The following MARVELD2 variants were observed in gnomAD, a reference collection of about 807,000 sequenced individuals.
MARVELD2 encodes the protein MARVEL domain-containing protein 2.
MARVELD2 carries 49 observed loss-of-function variants against 57.6 expected under a neutral mutation model. That is an observed-to-expected ratio of 0.85 (90% confidence interval 0.68 to 1.08). The LOEUF (loss-of-function observed/expected upper bound fraction) is 1.08, where lower values mean the gene tolerates loss of function less well. Among genes scored for constraint, MARVELD2 ranks in the 50% least tolerant of loss-of-function variants. The pLI, the probability that MARVELD2 is intolerant of heterozygous loss-of-function variation, is 0.00. For synonymous variants in MARVELD2, 238 were observed against 258.8 expected (o/e 0.92, Z 0.77); for missense variants, 606 against 701.1 (o/e 0.86, Z 1.53).
chr5:69,438,218 C>G (rs1485585535), intron 5 of MARVELD2, among the ~76,000 whole-genome samples: 2 of 152,098 alleles, frequency 1.3e-5, no homozygotes, highest in African/African-American at 4.8e-5. Context: ...AAATATTGCC[C>G]CAAACAATCC....
intron 1 of MARVELD2, chr5:69,418,957 T>C (rs1289306908): frequency 5.9e-6 from 1 of 168,942 alleles, no homozygotes; most frequent in African/African-American, 2.4e-5. Context: ...AGACAGAGAC[T>C]CACTGTGTCA....
At chr5:69,431,329 G>T (rs1049913784) in intron 3 of MARVELD2, among the ~76,000 whole-genome samples, 4 of 151,720 alleles carry the variant, frequency 2.6e-5, no homozygotes, top group African/African-American at 9.7e-5. Context: ...TGGCCAGGCT[G>T]GTCTCGAACA....
intron 3 of MARVELD2, among the ~76,000 whole-genome samples, chr5:69,430,734 A>G (rs1034776874): frequency 6.6e-6 from 1 of 151,672 alleles, no homozygotes; most frequent in Non-Finnish European, 1.5e-5. Context: ...GGGTTTCACC[A>G]TGTTGGCCAG....
chr5:69,440,793 C>T (rs980044828), intron 6 of MARVELD2, among the ~76,000 whole-genome samples: 5 of 152,208 alleles, frequency 3.3e-5, no homozygotes, highest in African/African-American at 1.2e-4. Flanking sequence ...ATCTCAAAAT[C>T]AGTAGAGGTG....
intron 5 of MARVELD2, among the ~76,000 whole-genome samples, chr5:69,437,541 G>A (rs560988638): frequency 3.3e-5 from 5 of 151,630 alleles, no homozygotes; most frequent in East Asian, 2.0e-4. Flanking sequence ...AAAATTAGCC[G>A]AGCATGGTGG....
intron 3 of MARVELD2, among the ~76,000 whole-genome samples, chr5:69,430,106 G>A (rs1289537765): frequency 6.6e-6 from 1 of 151,728 alleles, no homozygotes; most frequent in Non-Finnish European, 1.5e-5. Context: ...TGTGGCTCAT[G>A]CCTGTAATCC....
At chr5:69,436,701 A>T (rs971599986) in intron 5 of MARVELD2, among the ~76,000 whole-genome samples, 6 of 152,298 alleles carry the variant, frequency 3.9e-5, no homozygotes, top group African/African-American at 1.4e-4. Flanking sequence ...CAAGGCCCAC[A>T]GGTCTAAGAA....
At chr5:69,434,752 C>T (rs1421219010) in intron 5 of MARVELD2, among the ~76,000 whole-genome samples, 1 of 151,748 alleles carries the variant, frequency 6.6e-6, no homozygotes, top group African/African-American at 2.4e-5. Flanking sequence ...GCTGGAGTGC[C>T]ATGGCGCGAT....
intron 5 of MARVELD2, among the ~76,000 whole-genome samples, chr5:69,434,266 C>A (rs1767064805): frequency 6.6e-6 from 1 of 152,034 alleles, no homozygotes; most frequent in South Asian, 2.1e-4. Context: ...GCATGCAAGA[C>A]CAGCCTGGAC....
In MARVELD2 at chr5:69,419,516, A is replaced by T; in HGVS notation, c.131A>T (p.Asp44Val). The change falls in exon 2 of 7, where the codon GAT (aspartate) becomes GTT (valine). Residue 44 changes from aspartate (D) to valine (V), a missense_variant. Asp to Val is a radical substitution (Grantham distance 152). Coordinates refer to ENST00000325631, the MANE Select transcript of MARVELD2 (RefSeq NM_001038603.3). ...GACAGTGAGCGGGCAGTGAGCGCTG[A>T]TCCCTTGCCACCACCCCCTCTCCCA... ...LHDSERAVSADPLPPPPLPLQ... is the reference protein window; with the variant it reads ...LHDSERAVSAVPLPPPPLPLQ... 6.2e-7 allele frequency: 1 copy of T among 1,614,108 alleles called. No individual in the cohort carries two copies. The highest frequency in any genetic ancestry group is 1.1e-5 in the South Asian group (1 of 91,082).
intron 3 of MARVELD2, among the ~76,000 whole-genome samples, chr5:69,427,385 G>T (rs1402631998): frequency 6.6e-6 from 1 of 151,610 alleles, no homozygotes; most frequent in Non-Finnish European, 1.5e-5. Flanking sequence ...CACATAGCTA[G>T]TTCTCCCTAT....
At chr5:69,419,167 C>T in intron 1 of MARVELD2, 1 of 613,828 alleles carries the variant, frequency 1.6e-6, no homozygotes, top group East Asian at 2.8e-5. Context: ...CTGAAATGAT[C>T]CGTCTGTCTT....
chr5:69,420,650 C>T, intron 2 of MARVELD2, 119 bp downstream of exon 2: 7 of 976,068 alleles, frequency 7.2e-6, no homozygotes, highest in African/African-American at 1.7e-5. Context: ...TCTTTTCTTT[C>T]TTCCTTTTTT....
rs1031095336 is a variant in MARVELD2 at position 69,432,662 on chromosome 5, C to T, written c.1318C>T (p.Pro440Ser). 6.2e-7 allele frequency: 1 copy of T among 1,613,950 alleles called. No homozygotes were observed. The highest frequency in any genetic ancestry group is 1.7e-5 in the Admixed American group (1 of 59,968). ...CCACATTCCTAAACCTATCGTGATG[C>T]CCGACTATGTGGCGTGAGTGTCAGT... ...PGHIPKPIVM[P>S]DYVAKYPVIQ... The change falls in exon 4 of 7, where the codon CCC becomes TCC. Residue 440 changes from proline to serine, a missense_variant. Pro to Ser is a moderately conservative substitution (Grantham distance 74, BLOSUM62 -1). Coordinates refer to ENST00000325631, the MANE Select transcript of MARVELD2 (RefSeq NM_001038603.3).
chr5:69,417,670 G>A (rs1355470518), intron 1 of MARVELD2, among the ~76,000 whole-genome samples: 4 of 152,086 alleles, frequency 2.6e-5, no homozygotes, highest in Non-Finnish European at 4.4e-5. Flanking sequence ...GCGGCCGAGC[G>A]TGGTGGCTCA....
chr5:69,417,448 C>T (rs1447045013), intron 1 of MARVELD2, among the ~76,000 whole-genome samples: 1 of 152,128 alleles, frequency 6.6e-6, no homozygotes, highest in Non-Finnish European at 1.5e-5. Flanking sequence ...GAAGGGTCTT[C>T]GTTTTCCAAA....
At chr5:69,437,413 G>A (rs889969559) in intron 5 of MARVELD2, among the ~76,000 whole-genome samples, 6 of 146,426 alleles carry the variant, frequency 4.1e-5, no homozygotes, top group Non-Finnish European at 9.0e-5. Context: ...AGCTGGGTGC[G>A]GTGGCTCACA....
intron 3 of MARVELD2, among the ~76,000 whole-genome samples, chr5:69,426,894 G>T (rs1452111750): frequency 1.3e-5 from 2 of 152,012 alleles, no homozygotes; most frequent in Admixed American, 1.3e-4. Flanking sequence ...CTGGTCTTAA[G>T]TGATCCTCCT....
chr5:69,433,551 C>A (rs1006857277), intron 5 of MARVELD2: 2 of 177,226 alleles, frequency 1.1e-5, no homozygotes, highest in African/African-American at 4.8e-5. Context: ...GCTCCACCTC[C>A]CGAGTTCATG....
Sources: allele counts gnomAD v4.1 joint callset (sites outside exome capture counted in the v4.1 genomes callset), GRCh38; gene constraint gnomAD v4.1.1; transcripts MANE v1.5; gene names NCBI Gene and HGNC (gene_info 2026-07-23, HGNC 2026-07-21).